The following AKAP13 variants were observed in gnomAD, a reference collection of about 807,000 sequenced individuals.
The protein encoded by AKAP13 is A-kinase anchoring protein 13, also known as A-kinase anchor protein 13.
AKAP13 carries 80 observed loss-of-function variants against 264.5 expected under a neutral mutation model. The observed-to-expected ratio is 0.30, with a 90% CI of 0.25 to 0.36. AKAP13 has a LOEUF of 0.36. AKAP13 is among the 10% of genes least tolerant of loss of function. AKAP13 has a pLI of 1.00. For synonymous variants in AKAP13, 1,380 were observed against 1,250.2 expected, an observed-to-expected ratio of 1.10 and a Z score of -2.19; for missense variants, 3,712 against 3,435.2, an observed-to-expected ratio of 1.08 and a Z score of -2.01.
chr15:85,493,440 A>C (rs1382727856), intron 2 of AKAP13, among the ~76,000 whole-genome samples: 1 of 152,192 alleles, frequency 6.6e-6, no homozygotes, highest in Non-Finnish European at 1.5e-5. Context: ...AGGTGTGGCC[A>C]ACAGGGAAAT....
intron 9 of AKAP13, among the ~76,000 whole-genome samples, chr15:85,645,460 A>G (rs2082512630): frequency 6.6e-6 from 1 of 152,228 alleles, no homozygotes; most frequent in Non-Finnish European, 1.5e-5. Flanking sequence ...AGACAAAAGA[A>G]AAAAAATGCC....
chr15:85,646,123 C>T (rs764547327), intron 10 of AKAP13, among the ~76,000 whole-genome samples, 169 bp downstream of exon 10: 1 of 152,190 alleles, frequency 6.6e-6, no homozygotes, highest in Non-Finnish European at 1.5e-5. Context: ...GCCTCACTCA[C>T]TCTGAGAGGC....
intron 14 of AKAP13, 142 bp downstream of exon 14, chr15:85,669,972 C>CTCT: frequency 2.1e-6 from 1 of 474,040 alleles, no homozygotes; most frequent in Non-Finnish European, 3.8e-6. Context: ...AGCACTTAAA[C>CTCT]AGAAAAGGTG....
At chr15:85,517,409 A>G (rs1370352035) in intron 2 of AKAP13, among the ~76,000 whole-genome samples, 1 of 152,036 alleles carries the variant, frequency 6.6e-6, no homozygotes, top group Non-Finnish European at 1.5e-5. Flanking sequence ...TCAGACCACT[A>G]GTATCTTGGG....
At chr15:85,669,107 G>T (rs577524431) in intron 13 of AKAP13, among the ~76,000 whole-genome samples, 3 of 150,508 alleles carry the variant, frequency 2.0e-5, no homozygotes, top group Non-Finnish European at 4.4e-5. Flanking sequence ...GTGGTGGCGC[G>T]CACCTGTAAT....
At chr15:85,474,371 G>C (rs1424019653) in intron 1 of AKAP13, among the ~76,000 whole-genome samples, 1 of 152,076 alleles carries the variant, frequency 6.6e-6, no homozygotes, top group Non-Finnish European at 1.5e-5. Context: ...TATTGACCTG[G>C]CATCAGTGTT....
intron 5 of AKAP13, among the ~76,000 whole-genome samples, chr15:85,554,994 A>G (rs2078091483): frequency 6.6e-6 from 1 of 152,128 alleles, no homozygotes; most frequent in Non-Finnish European, 1.5e-5. Flanking sequence ...TCCTTATGCT[A>G]ATTATTAAGG....
At chr15:85,428,837 A>G (rs2072909067) in intron 1 of AKAP13, among the ~76,000 whole-genome samples, 1 of 152,220 alleles carries the variant, frequency 6.6e-6, no homozygotes, top group African/African-American at 2.4e-5. Context: ...CTACTTTTCT[A>G]CCAGATAATC....
chr15:85,591,692 A>G (rs940245168), intron 8 of AKAP13, among the ~76,000 whole-genome samples: 2 of 152,150 alleles, frequency 1.3e-5, no homozygotes, highest in African/African-American at 2.4e-5. Flanking sequence ...AGTATGTCCC[A>G]GTACTGCAAA....
intron 1 of AKAP13, among the ~76,000 whole-genome samples, chr15:85,468,853 A>G (rs2074849427): frequency 1.3e-5 from 2 of 151,766 alleles, no homozygotes; most frequent in Non-Finnish European, 2.9e-5. Context: ...GGTCTCTCCT[A>G]ACAGATTGAG....
intron 8 of AKAP13, among the ~76,000 whole-genome samples, chr15:85,623,169 T>G (rs2081268783): frequency 6.6e-6 from 1 of 152,250 alleles, no homozygotes; most frequent in African/African-American, 2.4e-5. Flanking sequence ...GTGCACTTTC[T>G]CCACTTTTAT....
chr15:85,604,408 A>G (rs1480249050), intron 8 of AKAP13, among the ~76,000 whole-genome samples: 5 of 152,006 alleles, frequency 3.3e-5, no homozygotes, highest in African/African-American at 7.2e-5. Flanking sequence ...TCTGTATAGA[A>G]TTTGGATAAT....
At chr15:85,491,975 C>T (rs762182336) in intron 2 of AKAP13, among the ~76,000 whole-genome samples, 5 of 152,156 alleles carry the variant, frequency 3.3e-5, no homozygotes, top group African/African-American at 4.8e-5. Context: ...AAGGTTAAGA[C>T]GGTTCATCTA....
intron 29 of AKAP13, among the ~76,000 whole-genome samples, chr15:85,728,538 CT>C (rs1242508367): frequency 2.6e-5 from 4 of 152,174 alleles, no homozygotes; most frequent in Non-Finnish European, 4.4e-5. Context: ...AGCTCACACC[CT>C]AGCAGGGGAG....
intron 8 of AKAP13, among the ~76,000 whole-genome samples, chr15:85,628,127 T>A (rs2081518369): frequency 6.6e-6 from 1 of 152,230 alleles, no homozygotes; most frequent in Non-Finnish European, 1.5e-5. Context: ...CTGAATCTGA[T>A]AATCCGTAGA....
intron 1 of AKAP13, among the ~76,000 whole-genome samples, chr15:85,444,765 G>C (rs748793335): frequency 6.0e-4 from 91 of 152,092 alleles, no homozygotes; most frequent in Non-Finnish European, 1.0e-3. Context: ...AGCCCTTCCT[G>C]GTGAATTAAT....
chr15:85,473,120 T>C (rs2075021278), intron 1 of AKAP13, among the ~76,000 whole-genome samples: 1 of 152,214 alleles, frequency 6.6e-6, no homozygotes, highest in Non-Finnish European at 1.5e-5. Context: ...GGAGCACAAC[T>C]GGCTACTTTC....
rs2089337679 is a variant in AKAP13, at chr15:85,745,326, A to G, written c.*649A>G. The G allele has an allele frequency of 6.6e-6, 1 of 152,088 alleles. No homozygotes were observed. Among genetic ancestry groups the G allele is most frequent in the Non-Finnish European group, 1.5e-5 (1 of 68,032 alleles). 9.4% of individuals were successfully genotyped at this position (152,088 alleles called of 1,614,324 possible). On this transcript the variant is annotated 3_prime_UTR_variant, in exon 37 of 37. Coordinates refer to ENST00000394518, the MANE Select transcript of AKAP13 (RefSeq NM_007200.5). ...TTTCTCATTTCATTTTAGGGATGAC[A>G]AACATTTGTGAAACCAGTGAGAGAA... is the stretch of plus-strand genomic sequence containing the variant.
chr15:85,602,168 A>G (rs1027000453), intron 8 of AKAP13, among the ~76,000 whole-genome samples: 2 of 151,870 alleles, frequency 1.3e-5, no homozygotes, highest in Non-Finnish European at 2.9e-5. Context: ...TCGGTATGCA[A>G]TCTGAAATCG....
Sources: gnomAD v4.1 joint callset for allele counts (sites outside exome capture counted in the v4.1 genomes callset) on GRCh38, gnomAD v4.1.1 for gene constraint, MANE v1.5 for transcripts, NCBI Gene and HGNC (gene_info 2026-07-23, HGNC 2026-07-21) for gene names.